The following IKZF2 variants were observed in gnomAD, a reference collection of about 807,000 sequenced individuals.
The protein encoded by IKZF2 is zinc finger protein Helios.
IKZF2 carries 15 observed loss-of-function variants against 49.2 expected under a neutral mutation model. That is an observed-to-expected ratio of 0.30 (90% CI 0.20 to 0.47). The LOEUF is 0.47. Among genes scored for constraint, IKZF2 ranks in the 20% least tolerant of loss-of-function variants. IKZF2 has a pLI of 1.00. For synonymous variants in IKZF2, 227 were observed against 221.4 expected, an observed-to-expected ratio of 1.03 and a Z score of -0.23; for missense variants, 567 against 664.6, an observed-to-expected ratio of 0.85 and a Z score of 1.61.
chr2:213,119,549 C>T (rs900770579), intron 4 of IKZF2, among the ~76,000 whole-genome samples: 2 of 152,160 alleles, frequency 1.3e-5, no homozygotes, highest in African/African-American at 4.8e-5. Context: ...TACCACTGTT[C>T]TGTTGTTATT....
chr2:213,092,561 G>A (rs1436982049), intron 4 of IKZF2, among the ~76,000 whole-genome samples: 1 of 152,010 alleles, frequency 6.6e-6, no homozygotes, highest in East Asian at 1.9e-4. Flanking sequence ...CCCTGTGATG[G>A]TACCATCCCA....
rs150956707 is a variant in IKZF2 at position 213,147,792 on chromosome 2, C to T, written c.55G>A (p.Glu19Lys). 1.3e-4 allele frequency: 217 copies of T among 1,613,122 alleles called. No individual in the cohort carries two copies. Among genetic ancestry groups the T allele is most frequent in the Middle Eastern group, 6.6e-4 (4 of 6,082 alleles). ...ATTGCCATATTGGAGTGCTCCCTTT[C>T]GGGTGAAAGCTCATTGTCACCTGCT... is the stretch of plus-strand genomic sequence containing the variant. ...YITCDNELSPEREHSNMAIDL... is the reference protein window; with the variant it reads ...YITCDNELSPKREHSNMAIDL... Residue 19 changes from glutamate to lysine, a missense_variant, in exon 4 of 9, where the codon GAA becomes AAA. Coordinates refer to ENST00000434687, the MANE Select transcript of IKZF2 (RefSeq NM_001387220.1).
At chr2:213,012,896 C>T (rs1008214961) in intron 8 of IKZF2, among the ~76,000 whole-genome samples, 5 of 151,932 alleles carry the variant, frequency 3.3e-5, no homozygotes, top group Non-Finnish European at 7.4e-5. Context: ...GATATATATA[C>T]AATGAATAAC....
At chr2:213,110,086 C>A (rs1023916510) in intron 4 of IKZF2, among the ~76,000 whole-genome samples, 6 of 152,018 alleles carry the variant, frequency 3.9e-5, no homozygotes, top group Non-Finnish European at 8.8e-5. Context: ...TACAGTTCCA[C>A]TGGCAAACAG....
chr2:213,126,580 T>C (rs1247349606), intron 4 of IKZF2, among the ~76,000 whole-genome samples: 8 of 152,146 alleles, frequency 5.3e-5, no homozygotes, highest in Admixed American at 4.6e-4. Flanking sequence ...TATAAATAAT[T>C]TGTAATTATT....
chr2:213,149,545 CTTTT>C (rs1204695691), intron 2 of IKZF2, among the ~76,000 whole-genome samples: 2 of 151,872 alleles, frequency 1.3e-5, no homozygotes, highest in Admixed American at 1.3e-4. Context: ...AAGATTTTTA[CTTTT>C]TTTTCCCCCT....
intron 5 of IKZF2, among the ~76,000 whole-genome samples, chr2:213,053,163 T>C (rs1700834013): frequency 6.6e-6 from 1 of 152,150 alleles, no homozygotes; most frequent in South Asian, 2.1e-4. Flanking sequence ...AGTAGTTTGT[T>C]ATAACCATAA....
chr2:213,007,881 C>G lies in IKZF2; in HGVS notation c.1060G>C (p.Ala354Pro). 3 of 1,613,518 alleles carry G rather than the reference C, an allele frequency of 1.9e-6. No individual in the cohort carries two copies. The highest frequency in any genetic ancestry group is 2.5e-6 in the Non-Finnish European group (3 of 1,179,734). ...IAEVAPVISS[A>P]YSQVYHPNRI... ...TTTGGATGATAGACCTGAGAATAAG[C>G]TGAGCTTATAACTGGGGCCACTTCA... The change falls in exon 9 of 9, where the codon GCT becomes CCT. Residue 354 changes from alanine to proline, a missense_variant. Around this residue, in one of 5 missense-constraint regions of IKZF2, gnomAD observed 310 missense variants for 326.9 expected, o/e 0.95. Coordinates refer to ENST00000434687, the MANE Select transcript of IKZF2 (RefSeq NM_001387220.1).
At chr2:213,102,599 A>C (rs1032751150) in intron 4 of IKZF2, among the ~76,000 whole-genome samples, 6 of 152,114 alleles carry the variant, frequency 3.9e-5, no homozygotes, top group Non-Finnish European at 1.5e-5. Flanking sequence ...ATTAGAAATT[A>C]AACAAAAATA....
chr2:213,147,368 T>C (rs1266653281), intron 4 of IKZF2: 3 of 528,936 alleles, frequency 5.7e-6, no homozygotes, highest in Admixed American at 6.8e-5. Context: ...TGAAGAGTCC[T>C]TTGGAAGTGA....
At chr2:213,128,804 C>CTTTTTTTTTTTTTTTTTTTT (rs1184422126) in intron 4 of IKZF2, among the ~76,000 whole-genome samples, 1 of 113,182 alleles carries the variant, frequency 8.8e-6, no homozygotes, top group Non-Finnish European at 1.7e-5. Context: ...ATTTTTTTTT[C>CTTTTTTTTTTTTTTTTTTTT]TTTTTTTTTT....
At chr2:213,106,518 C>T (rs1289721792) in intron 4 of IKZF2, among the ~76,000 whole-genome samples, 1 of 151,648 alleles carries the variant, frequency 6.6e-6, no homozygotes, top group Non-Finnish European at 1.5e-5. Context: ...GTCCCTAGCC[C>T]CAGCTAGTCC....
chr2:213,119,738 G>A (rs1425679582), intron 4 of IKZF2, among the ~76,000 whole-genome samples: 1 of 152,116 alleles, frequency 6.6e-6, no homozygotes, highest in Non-Finnish European at 1.5e-5. Flanking sequence ...TACAGACTCG[G>A]GTTCAGAGGT....
intron 4 of IKZF2, among the ~76,000 whole-genome samples, chr2:213,103,511 TA>T (rs1159277392): frequency 6.6e-6 from 1 of 152,158 alleles, no homozygotes; most frequent in East Asian, 1.9e-4. Context: ...AATGAATGAG[TA>T]TAAGATGGCA....
At chr2:213,147,194 A>G (rs1318328045) in intron 4 of IKZF2, among the ~76,000 whole-genome samples, 1 of 152,214 alleles carries the variant, frequency 6.6e-6, no homozygotes, top group East Asian at 1.9e-4. Flanking sequence ...ACTTTGCTAC[A>G]GAAATGGATA....
chr2:213,075,769 A>G (rs889927369), intron 4 of IKZF2, among the ~76,000 whole-genome samples: 2 of 152,172 alleles, frequency 1.3e-5, no homozygotes, highest in Admixed American at 1.3e-4. Context: ...TGGGTGAGAA[A>G]TGAAGATAAA....
chr2:213,056,549 A>G (rs776219549), intron 5 of IKZF2: 55 of 520,590 alleles, frequency 1.1e-4, no homozygotes, highest in South Asian at 1.8e-4. Flanking sequence ...AAGTTACACA[A>G]TGAAATTCTC....
intron 4 of IKZF2, among the ~76,000 whole-genome samples, chr2:213,123,243 C>T (rs879644460): frequency 6.6e-6 from 1 of 152,188 alleles, no homozygotes; most frequent in African/African-American, 2.4e-5. Flanking sequence ...GAAAGATGAT[C>T]ATACTTCCTT....
intron 4 of IKZF2, among the ~76,000 whole-genome samples, chr2:213,118,417 C>A (rs1025716051): frequency 6.6e-6 from 1 of 152,034 alleles, no homozygotes; most frequent in African/African-American, 2.4e-5. Context: ...CTAAGACTAT[C>A]GAGTATATGT....
Sources: gnomAD v4.1 joint callset for allele counts (sites outside exome capture counted in the v4.1 genomes callset) on GRCh38, gnomAD v4.1.1 for gene constraint, gnomAD v4.1.1 regional missense constraint, MANE v1.5 for transcripts, NCBI Gene and HGNC (gene_info 2026-07-23, HGNC 2026-07-21) for gene names.